EML4: variants seen among roughly 807,000 people sequenced by gnomAD.
EML4 encodes EMAP like 4.
EML4 carries 72 observed loss-of-function variants against 129.0 expected under a neutral mutation model. The observed-to-expected ratio is 0.56, with a 90% confidence interval of 0.46 to 0.68. EML4 has a LOEUF of 0.68. Ranked by LOEUF, EML4 falls within the 30% of genes least tolerant of loss-of-function variation. The pLI is 0.00. For synonymous variants in EML4, 532 were observed against 405.0 expected (o/e 1.31, Z -3.77); for missense variants, 1,363 against 1,190.6 (o/e 1.14, Z -2.13).
intron 1 of EML4, among the ~76,000 whole-genome samples, chr2:42,180,602 C>T (rs1670876240): frequency 6.6e-6 from 1 of 152,130 alleles, no homozygotes; most frequent in Non-Finnish European, 1.5e-5. Context: ...TGCCTGTCTT[C>T]TTTACACTAT....
Position 42,169,649 on chromosome 2 carries a change from G to A in EML4, c.25+13G>A, listed in dbSNP as rs762948580. 8 of 1,601,430 alleles carry A rather than the reference G, an allele frequency of 5.0e-6. No individual in the cohort carries two copies. In the Admixed American group the frequency reaches 5.1e-5, roughly 10 times the overall value. ...GCCGGCAGTCTCGGTGAGTACGGCTGGGGAGTCCTGCGTCTTCTGCGAAGG... is the reference window on the plus strand; with the variant it reads ...GCCGGCAGTCTCGGTGAGTACGGCTAGGGAGTCCTGCGTCTTCTGCGAAGG... On this transcript the variant is annotated intron_variant, in intron 1 of 22. Coordinates refer to ENST00000318522, the MANE Select transcript of EML4 (RefSeq NM_019063.5).
At chr2:42,243,901 TG>T (rs1675196863) in intron 1 of EML4, among the ~76,000 whole-genome samples, 1 of 152,160 alleles carries the variant, frequency 6.6e-6, no homozygotes, top group African/African-American at 2.4e-5. Context: ...TCTGCCTTAT[TG>T]TCTGAATGAC....
intron 2 of EML4, among the ~76,000 whole-genome samples, chr2:42,254,138 T>C (rs974628126): frequency 6.6e-6 from 1 of 152,168 alleles, no homozygotes; most frequent in Non-Finnish European, 1.5e-5. Context: ...ATTTGAGGCA[T>C]TGGTAAAAGA....
At chr2:42,209,272 A>C (rs1001570515) in intron 1 of EML4, among the ~76,000 whole-genome samples, 2 of 152,130 alleles carry the variant, frequency 1.3e-5, no homozygotes, top group Non-Finnish European at 2.9e-5. Flanking sequence ...CAAATACCAC[A>C]AAGCAGAAGT....
chr2:42,175,867 A>G (rs941801059), intron 1 of EML4, among the ~76,000 whole-genome samples: 2 of 152,160 alleles, frequency 1.3e-5, no homozygotes, highest in African/African-American at 4.8e-5. Flanking sequence ...TCTTTAGCCC[A>G]TTTGTATGCA....
intron 6 of EML4, among the ~76,000 whole-genome samples, chr2:42,266,160 T>C (rs1437976078): frequency 6.6e-6 from 1 of 152,240 alleles, no homozygotes; most frequent in Admixed American, 6.5e-5. Context: ...GAAAGAAATA[T>C]TTGTAATAGT....
At chr2:42,248,038 C>T (rs1272593840) in intron 2 of EML4, among the ~76,000 whole-genome samples, 1 of 152,064 alleles carries the variant, frequency 6.6e-6, no homozygotes, top group African/African-American at 2.4e-5. Context: ...TACTCTGTCA[C>T]CCAGGCTCAC....
At chr2:42,284,577 G>T (rs2103623826) in intron 8 of EML4, 57 bp from the exon 9 acceptor site, 1 of 1,232,252 alleles carries the variant, frequency 8.1e-7, no homozygotes, top group East Asian at 2.4e-5. Flanking sequence ...CAGTACAAAG[G>T]TATTCTGTTG....
At chr2:42,195,413 T>G (rs1308027633) in intron 1 of EML4, among the ~76,000 whole-genome samples, 1 of 152,208 alleles carries the variant, frequency 6.6e-6, no homozygotes, top group Non-Finnish European at 1.5e-5. Context: ...ATAAATTGAT[T>G]TTAGTAAACA....
At position 42,245,607 on chromosome 2, in the gene EML4, C is replaced by T. The variant is rs370967607; in HGVS notation, c.128C>T (p.Ala43Val). The change falls in exon 2 of 23, where the codon GCG becomes GTG. Residue 43 changes from alanine (A) to valine (V), a missense_variant. Physicochemically the swap from Ala to Val is moderately conservative, Grantham distance 64 (BLOSUM62 0). Coordinates refer to ENST00000318522, the MANE Select transcript of EML4 (RefSeq NM_019063.5). ...QQEDEITVLKAALADVLRRLA... is the reference protein window; with the variant it reads ...QQEDEITVLKVALADVLRRLA... The stretch of plus-strand genomic sequence containing the variant: ...GAAGATGAAATCACTGTGCTAAAGG[C>T]GGCTTTGGCTGATGTTTTGAGGCGT... 5 of 1,613,724 alleles carry T rather than the reference C, an allele frequency of 3.1e-6. No homozygotes were observed. Among genetic ancestry groups the T allele is most frequent in the Non-Finnish European group, 2.5e-6 (3 of 1,179,808 alleles).
chr2:42,282,622 G>A (rs1472089622), intron 7 of EML4, among the ~76,000 whole-genome samples: 1 of 152,052 alleles, frequency 6.6e-6, no homozygotes, highest in Admixed American at 6.5e-5. Flanking sequence ...CAAACTCCTG[G>A]ACTGAAGTGA....
rs1027813014 is a variant in EML4 at position 42,246,260 on chromosome 2, G to A, written c.208+573G>A. ...CTGTTGCTCTGAGTTTGGAGCAGAT[G>A]TAGTGTACCTTTTCCCTTACTTCAA... is the stretch of plus-strand genomic sequence containing the variant. On this transcript the variant is annotated intron_variant, in intron 2 of 22. Coordinates refer to ENST00000318522, the MANE Select transcript of EML4 (RefSeq NM_019063.5). 7.2e-5 allele frequency among the ~76,000 whole-genome samples: 11 copies of A among 152,242 alleles called. No homozygotes were observed. The East Asian group carries it at 9.7e-4, about 13-fold the overall frequency.
intron 18 of EML4, among the ~76,000 whole-genome samples, chr2:42,317,013 T>C (rs916646810): frequency 6.6e-6 from 1 of 152,176 alleles, no homozygotes; most frequent in African/African-American, 2.4e-5. Flanking sequence ...AGCACTGTGG[T>C]GGGTACAGGG....
At chr2:42,251,697 G>A (rs1471802071) in intron 2 of EML4, among the ~76,000 whole-genome samples, 3 of 152,158 alleles carry the variant, frequency 2.0e-5, no homozygotes, top group Non-Finnish European at 4.4e-5. Context: ...GGAGCCATGA[G>A]GCATGTGATG....
At chr2:42,315,756 C>CT (rs2103786764) in intron 17 of EML4, among the ~76,000 whole-genome samples, 1 of 152,050 alleles carries the variant, frequency 6.6e-6, no homozygotes, top group African/African-American at 2.4e-5. Flanking sequence ...TGGTATGCAC[C>CT]TGTAGTCCCA....
chr2:42,225,061 CTCATGTTTTAGCATGTGTCAGAGTA>C lies in EML4; in HGVS notation c.26-20439_26-20415del, dbSNP rs1673868191. ...CTTAGCATAATGTTTTCAAAGGTCA[CTCATGTTTTAGCATGTGTCAGAGTA>C]TCATTTCTTTTTAAGGCTGAATAAT... On this transcript the variant is annotated intron_variant, in intron 1 of 22. Transcript: ENST00000318522. 3.3e-5 allele frequency among the ~76,000 whole-genome samples: 5 copies of C among 152,218 alleles called. 1 individual carries two copies. The South Asian group carries it at 1.0e-3, about 32-fold the overall frequency.
intron 1 of EML4, among the ~76,000 whole-genome samples, chr2:42,229,968 G>A (rs541293982): frequency 1.1e-4 from 16 of 152,138 alleles, no homozygotes; most frequent in Admixed American, 3.3e-4. Context: ...ACTAGATGGT[G>A]AGGGAAGAGG....
chr2:42,326,158 C>G lies in EML4; in HGVS notation c.2247C>G (p.Asp749Glu). Reference protein sequence around the residue: ...NSGDYEILYWDIPNGCKLIRN... With the variant: ...NSGDYEILYWEIPNGCKLIRN... Reference sequence around the variant, plus strand: ...TTCCTGTTTCTAAATTTAAAGGGGACATTCCAAATGGCTGCAAACTAATCA... The same window carrying G: ...TTCCTGTTTCTAAATTTAAAGGGGAGATTCCAAATGGCTGCAAACTAATCA... The change falls in exon 21 of 23, where the codon GAC becomes GAG. Residue 749 changes from aspartate (D) to glutamate (E), a missense_variant. Asp to Glu is a conservative substitution (Grantham distance 45). Transcript: ENST00000318522. 6.2e-7 allele frequency: 1 copy of G among 1,613,126 alleles called. No individual in the cohort carries two copies.
intron 6 of EML4, among the ~76,000 whole-genome samples, chr2:42,273,242 G>A (rs1666472266): frequency 6.6e-6 from 1 of 152,142 alleles, no homozygotes; most frequent in South Asian, 2.1e-4. Flanking sequence ...TTTGCCTACA[G>A]AAAAGTTTTA....
Sources: allele counts gnomAD v4.1 joint callset (sites outside exome capture counted in the v4.1 genomes callset), GRCh38; gene constraint gnomAD v4.1.1; transcripts MANE v1.5; gene names NCBI Gene and HGNC (gene_info 2026-07-23, HGNC 2026-07-21).